PTPRN2: variants seen among roughly 807,000 people sequenced by gnomAD.
PTPRN2 encodes the protein receptor-type tyrosine-protein phosphatase N2.
Under a neutral mutation model 118.8 loss-of-function variants are expected in PTPRN2, and 74 were observed. The ratio of observed to expected loss-of-function variants is 0.62; its 90% CI spans 0.52 to 0.76. The LOEUF is 0.76. Among genes scored for constraint, PTPRN2 ranks in the 30% least tolerant of loss-of-function variants. The pLI is 0.00. For missense variants in PTPRN2, 1,481 were observed against 1,394.4 expected (o/e 1.06, Z -0.99); for synonymous variants, 641 against 608.0 (o/e 1.05, Z -0.80).
At chr7:158,087,397 G>A (rs1035583315) in intron 10 of PTPRN2, among the ~76,000 whole-genome samples, 7 of 152,048 alleles carry the variant, frequency 4.6e-5, no homozygotes, top group Admixed American at 6.6e-5. Context: ...CCCGATGGTC[G>A]TGCCAGGCAC....
intron 12 of PTPRN2, among the ~76,000 whole-genome samples, chr7:157,805,011 G>A (rs918316608): frequency 4.6e-5 from 7 of 152,190 alleles, no homozygotes; most frequent in South Asian, 2.1e-4. Context: ...CTGCCTCAGC[G>A]TGGGGTGGGA....
chr7:157,858,036 G>A (rs1809856344), intron 12 of PTPRN2, among the ~76,000 whole-genome samples: 1 of 152,116 alleles, frequency 6.6e-6, no homozygotes, highest in Admixed American at 6.5e-5. Flanking sequence ...CTGGTTCTCT[G>A]AGTCAGCCCC....
chr7:158,405,666 C>T (rs951961359), intron 2 of PTPRN2, among the ~76,000 whole-genome samples: 4 of 152,350 alleles, frequency 2.6e-5, no homozygotes, highest in South Asian at 2.1e-4. Flanking sequence ...AAGATCCGGC[C>T]CTCTATACTC....
At chr7:158,459,476 C>T (rs1403394902) in intron 2 of PTPRN2, among the ~76,000 whole-genome samples, 5 of 152,182 alleles carry the variant, frequency 3.3e-5, no homozygotes, top group African/African-American at 9.7e-5. Flanking sequence ...CGCAAAAGGA[C>T]GTCGGCTCTG....
chr7:158,421,702 G>A (rs761951229), intron 2 of PTPRN2, among the ~76,000 whole-genome samples: 5 of 152,142 alleles, frequency 3.3e-5, no homozygotes, highest in Admixed American at 6.5e-5. Flanking sequence ...AAGCTGAATC[G>A]TGGAGTAAAT....
At chr7:158,145,966 G>C (rs1025314888) in intron 6 of PTPRN2, among the ~76,000 whole-genome samples, 1 of 152,190 alleles carries the variant, frequency 6.6e-6, no homozygotes, top group Non-Finnish European at 1.5e-5. Context: ...GGTGACAAGT[G>C]AGGCATGGGC....
chr7:158,131,203 C>T (rs1014361480), intron 9 of PTPRN2, among the ~76,000 whole-genome samples: 30 of 151,968 alleles, frequency 2.0e-4, no homozygotes, highest in African/African-American at 7.0e-4. Flanking sequence ...CATACACACT[C>T]ATATACACAC....
chr7:157,603,919 C>A lies in PTPRN2; in HGVS notation c.2418+83G>T. On this transcript the variant is annotated intron_variant, in intron 16 of 22. Transcript: ENST00000389418. This position sits in a 1 kb window ranked among gnomAD's most constrained non-coding sequence, Gnocchi z 5.4. ...CTGAGCTGGGTGGGGACGTGATTTC[C>A]CCCGAGAACCTTCCCACGTGATTTG... The A allele has an allele frequency of 7.4e-7, 1 of 1,351,480 alleles. No homozygotes were observed. 83.7% of individuals were successfully genotyped at this position (1,351,480 alleles called of 1,614,324 possible). A position where few individuals can be genotyped will look rare whatever the true frequency, so the allele number is the denominator to read the frequency against.
At chr7:157,788,882 G>T (rs923635680) in intron 12 of PTPRN2, among the ~76,000 whole-genome samples, 1 of 152,218 alleles carries the variant, frequency 6.6e-6, no homozygotes, top group Non-Finnish European at 1.5e-5. Flanking sequence ...GCTGGAGGCC[G>T]CTGGAACCAC....
At chr7:158,032,475 C>T (rs894702209) in intron 11 of PTPRN2, among the ~76,000 whole-genome samples, 2 of 151,908 alleles carry the variant, frequency 1.3e-5, no homozygotes, top group African/African-American at 2.4e-5. Context: ...GGAGGAAGGC[C>T]GGATGCAGTG....
chr7:157,852,086 T>A (rs1584868386), intron 12 of PTPRN2, among the ~76,000 whole-genome samples: 1 of 152,230 alleles, frequency 6.6e-6, no homozygotes, highest in African/African-American at 2.4e-5. Flanking sequence ...TTTGCAGCGG[T>A]GCCCGCTGAG....
chr7:158,042,452 T>A (rs756280115), intron 11 of PTPRN2, among the ~76,000 whole-genome samples: 2 of 152,188 alleles, frequency 1.3e-5, no homozygotes, highest in African/African-American at 2.4e-5. Context: ...CACAGGGTAA[T>A]GCACTCTCTA....
At position 158,252,186 on chromosome 7, in the gene PTPRN2, A is replaced by T. The variant is rs78982625; in HGVS notation, c.278-46913T>A. Among the ~76,000 whole-genome samples the T allele has an allele frequency of 3.2e-3, 490 of 152,230 alleles. 11 individuals are homozygous for T. In the East Asian group the frequency reaches 0.05, roughly 16 times the overall value. ...CCTCAGCTGCTTGGAGTGGGTGGGA[A>T]CGCGAGAGCACTTGAGCACCAGTGG... is the stretch of plus-strand genomic sequence containing the variant. On this transcript the variant is annotated intron_variant, in intron 3 of 22. Transcript: ENST00000389418.
At chr7:158,567,675 C>T (rs183960415) in intron 1 of PTPRN2, among the ~76,000 whole-genome samples, 83 of 152,232 alleles carry the variant, frequency 5.5e-4, no homozygotes, top group Non-Finnish European at 9.7e-4. Context: ...TGAAGGGGTA[C>T]GGGCATCGTG....
intron 12 of PTPRN2, among the ~76,000 whole-genome samples, chr7:157,870,649 T>C (rs1810992084): frequency 6.6e-6 from 1 of 152,216 alleles, no homozygotes; most frequent in South Asian, 2.1e-4. Flanking sequence ...CCATGCATAG[T>C]TTTCCATGAT....
chr7:158,192,161 C>T (rs1488804706), intron 5 of PTPRN2, among the ~76,000 whole-genome samples, 166 bp downstream of exon 5: 3 of 152,236 alleles, frequency 2.0e-5, no homozygotes, highest in African/African-American at 4.8e-5. Flanking sequence ...GAGCAGGTGT[C>T]GCTCTAAGGG....
chr7:158,458,965 T>C (rs1733161), intron 2 of PTPRN2, among the ~76,000 whole-genome samples: 83,734 of 151,954 alleles, frequency 0.55, 23,277 homozygotes, highest in African/African-American at 0.56. Flanking sequence ...AAAGGACACA[T>C]GTGGGGAAGA....
At chr7:157,725,975 G>A (rs1369853875) in intron 12 of PTPRN2, among the ~76,000 whole-genome samples, 2 of 118,042 alleles carry the variant, frequency 1.7e-5, no homozygotes, top group African/African-American at 3.6e-5. Context: ...ACATGCAGAG[G>A]AGTGAGCCAG....
intron 11 of PTPRN2, among the ~76,000 whole-genome samples, chr7:158,071,645 C>CGTGGTGGTGGAGGTGCTT (rs1563392599): frequency 3.8e-5 from 3 of 79,194 alleles, no homozygotes; most frequent in Admixed American, 1.4e-4. Flanking sequence ...TGGAGATGCT[C>CGTGGTGGTGGAGGTGCTT]GTGGTGATGG....
Sources: gnomAD v4.1 joint callset for allele counts (sites outside exome capture counted in the v4.1 genomes callset) on GRCh38, gnomAD v4.1.1 for gene constraint, Gnocchi (gnomAD v3.1) non-coding constraint, MANE v1.5 for transcripts, NCBI Gene and HGNC (gene_info 2026-07-23, HGNC 2026-07-21) for gene names.